RNF150: variants seen among roughly 807,000 people sequenced by gnomAD.
The protein encoded by RNF150 is ring finger protein 150.
RNF150 carries 24 observed loss-of-function variants against 39.3 expected under a neutral mutation model. That is an observed-to-expected ratio of 0.61 (90% CI 0.44 to 0.86). The LOEUF (loss-of-function observed/expected upper bound fraction) is 0.86, where lower values mean the gene tolerates loss of function less well. Among genes scored for constraint, RNF150 ranks in the 40% least tolerant of loss-of-function variants. The probability of loss-of-function intolerance (pLI) is 0.00; values close to 1 mark genes in which losing one functional copy is unlikely to be tolerated. For synonymous variants in RNF150, 255 were observed against 227.3 expected, an observed-to-expected ratio of 1.12 and a Z score of -1.10; for missense variants, 502 against 587.8, an observed-to-expected ratio of 0.85 and a Z score of 1.51.
intron 5 of RNF150, among the ~76,000 whole-genome samples, chr4:140,913,467 G>A (rs1451062997): frequency 1.3e-5 from 2 of 152,066 alleles, no homozygotes; most frequent in Admixed American, 1.3e-4. Context: ...TTGTCCCTGT[G>A]CTCAGGATGA....
chr4:140,865,757 C>T lies in RNF150; in HGVS notation c.*2504G>A, dbSNP rs1331748060. 2.0e-5 allele frequency: 3 copies of T among 152,502 alleles called. No individual in the cohort carries two copies. Among genetic ancestry groups the T allele is most frequent in the Non-Finnish European group, 4.4e-5 (3 of 68,038 alleles). 9.4% of individuals were successfully genotyped at this position (152,502 alleles called of 1,614,324 possible). ...CAGCTGTGGCCAGGGCTTGCATATG[C>T]AATCAATTCCTGATTCACCTAGTTC... On this transcript the variant is annotated 3_prime_UTR_variant, in exon 7 of 7. Transcript: ENST00000515673.
intron 1 of RNF150, among the ~76,000 whole-genome samples, chr4:141,086,567 G>C (rs551381007): frequency 5.9e-5 from 9 of 151,902 alleles, no homozygotes; most frequent in Non-Finnish European, 1.2e-4. Flanking sequence ...TGAACTATAT[G>C]CAAATAATCT....
At chr4:141,148,764 C>G (rs188036039) in intron 1 of RNF150, among the ~76,000 whole-genome samples, 1 of 152,152 alleles carries the variant, frequency 6.6e-6, no homozygotes, top group Non-Finnish European at 1.5e-5. Context: ...AATGGTACCA[C>G]GTCCCTGTTT....
At chr4:140,971,500 C>T (rs1733464644) in intron 1 of RNF150, among the ~76,000 whole-genome samples, 1 of 152,128 alleles carries the variant, frequency 6.6e-6, no homozygotes, top group African/African-American at 2.4e-5. Context: ...TATCAGCCTA[C>T]TATCTATTTT....
chr4:140,885,369 T>TTA (rs1158133761), intron 6 of RNF150, among the ~76,000 whole-genome samples: 16 of 145,744 alleles, frequency 1.1e-4, no homozygotes, highest in Non-Finnish European at 1.8e-4. Flanking sequence ...CCCAGCTAAT[T>TTA]TATATATATA....
At position 140,912,958 on chromosome 4, in the gene RNF150, A is replaced by G. The variant is rs1220469426; in HGVS notation, c.988-1604T>C. Among the ~76,000 whole-genome samples the G allele has an allele frequency of 2.3e-4, 3 of 12,832 alleles. No homozygotes were observed. The Non-Finnish European group carries it at 2.4e-3, about 10-fold the overall frequency. 8.4% of individuals were successfully genotyped at this position (12,832 alleles called of 152,430 possible). On this transcript the variant is annotated intron_variant, in intron 5 of 6. Coordinates refer to ENST00000515673, the MANE Select transcript of RNF150 (RefSeq NM_020724.2). ...TCAGTCTGCACTCTCTCATCAGAAC[A>G]TAAAAAAAAAAAAAAAAAAAAAAAA...
At chr4:141,054,456 G>A (rs1395979510) in intron 1 of RNF150, among the ~76,000 whole-genome samples, 2 of 151,990 alleles carry the variant, frequency 1.3e-5, no homozygotes, top group African/African-American at 4.8e-5. Flanking sequence ...ACATGAATGG[G>A]TTATAATGCT....
At chr4:140,910,663 T>C (rs568003174) in intron 6 of RNF150, among the ~76,000 whole-genome samples, 1 of 152,234 alleles carries the variant, frequency 6.6e-6, no homozygotes, top group East Asian at 1.9e-4. Flanking sequence ...TTGTCCGTGG[T>C]CCAGACTAGT....
At chr4:141,077,955 C>T (rs1195341746) in intron 1 of RNF150, among the ~76,000 whole-genome samples, 2 of 152,164 alleles carry the variant, frequency 1.3e-5, no homozygotes, top group African/African-American at 4.8e-5. Context: ...CAGTAGCATT[C>T]AAACAAAACA....
At chr4:140,878,918 G>A (rs1024796322) in intron 6 of RNF150, among the ~76,000 whole-genome samples, 1 of 152,164 alleles carries the variant, frequency 6.6e-6, no homozygotes, top group African/African-American at 2.4e-5. Context: ...CAGTTTGAGT[G>A]ATTTTTTTGT....
chr4:140,874,017 C>T (rs928102815), intron 6 of RNF150, among the ~76,000 whole-genome samples: 8 of 151,344 alleles, frequency 5.3e-5, no homozygotes, highest in Non-Finnish European at 1.2e-4. Flanking sequence ...AAAACTATTG[C>T]TTTAATATAT....
intron 1 of RNF150, among the ~76,000 whole-genome samples, chr4:141,026,094 T>C (rs1578644738): frequency 6.6e-6 from 1 of 152,284 alleles, no homozygotes; most frequent in South Asian, 2.1e-4. Context: ...GACGTCTTGA[T>C]CTTAGACTCT....
chr4:140,998,863 T>C (rs1014995884), intron 1 of RNF150, among the ~76,000 whole-genome samples: 2 of 152,120 alleles, frequency 1.3e-5, no homozygotes, highest in East Asian at 1.9e-4. Context: ...AACAGCAAAA[T>C]ATGTCACTAC....
intron 6 of RNF150, among the ~76,000 whole-genome samples, chr4:140,896,732 A>AAAGG (rs1354081661): frequency 1.1e-5 from 1 of 90,798 alleles, no homozygotes; most frequent in Non-Finnish European, 2.3e-5. Context: ...AAAAAAAAAT[A>AAAGG]ATTTTTTTTC....
At chr4:140,935,024 ATATT>A (rs1487829440) in intron 4 of RNF150, among the ~76,000 whole-genome samples, 22 of 26,080 alleles carry the variant, frequency 8.4e-4, no homozygotes, top group African/African-American at 4.7e-3. Flanking sequence ...TATATATTAT[ATATT>A]TATAATATAT....
At chr4:141,121,924 C>T (rs1438431670) in intron 1 of RNF150, among the ~76,000 whole-genome samples, 1 of 152,122 alleles carries the variant, frequency 6.6e-6, no homozygotes, top group Non-Finnish European at 1.5e-5. Flanking sequence ...ACTCTAGAAA[C>T]ATATGGGGAG....
chr4:141,100,398 T>C (rs1046782697), intron 1 of RNF150, among the ~76,000 whole-genome samples: 2 of 152,320 alleles, frequency 1.3e-5, no homozygotes, highest in African/African-American at 4.8e-5. Context: ...AAAAATAATA[T>C]TCTTCCTTCT....
At chr4:141,143,962 A>T (rs1189520649) in intron 1 of RNF150, among the ~76,000 whole-genome samples, 1 of 152,148 alleles carries the variant, frequency 6.6e-6, no homozygotes, top group African/African-American at 2.4e-5. Flanking sequence ...AGAGCTTTTA[A>T]TAACAGCATG....
chr4:141,116,211 C>A (rs910129637), intron 1 of RNF150, among the ~76,000 whole-genome samples: 3 of 152,150 alleles, frequency 2.0e-5, no homozygotes, highest in Non-Finnish European at 4.4e-5. Context: ...AGGCAACCTA[C>A]AAAATGGGAG....
Sources: gnomAD v4.1 joint callset for allele counts (sites outside exome capture counted in the v4.1 genomes callset) on GRCh38, gnomAD v4.1.1 for gene constraint, MANE v1.5 for transcripts, NCBI Gene and HGNC (gene_info 2026-07-23, HGNC 2026-07-21) for gene names.